The following LPAR6 variants were observed in gnomAD, a reference collection of about 807,000 sequenced individuals.
LPAR6 encodes lysophosphatidic acid receptor 6.
Under a neutral mutation model 22.0 loss-of-function variants are expected in LPAR6, and 17 were observed. That is an observed-to-expected ratio of 0.77 (90% CI 0.53 to 1.16). The LOEUF is 1.16. Among genes scored for constraint, LPAR6 ranks in the 50% most tolerant of loss-of-function variants. LPAR6 has a pLI of 0.00. For missense variants in LPAR6, 384 were observed against 406.9 expected, an observed-to-expected ratio of 0.94 and a Z score of 0.48; for synonymous variants, 136 against 139.8, an observed-to-expected ratio of 0.97 and a Z score of 0.19.
intron 1 of LPAR6, among the ~76,000 whole-genome samples, chr13:48,443,766 G>A (rs1470862233): frequency 6.6e-6 from 1 of 151,924 alleles, no homozygotes; most frequent in Admixed American, 6.6e-5. Flanking sequence ...AGGCACCTCC[G>A]TTGCTTTTAG....
At position 48,412,425 on chromosome 13, in the gene LPAR6, G is replaced by A. The variant is rs981870922; in HGVS notation, c.-2C>T. ...GTGGGAGCTGTTAACGCTTACCATC[G>A]TAAAGGCACGTCCAATTTTCAGTTT... On this transcript the variant is annotated 5_prime_UTR_variant, in exon 1 of 1. It adds an upstream start codon to the 5' untranslated region. Transcript: ENST00000620633. 2 of 1,610,274 alleles carry A rather than the reference G, an allele frequency of 1.2e-6. No homozygotes were observed. The highest frequency in any genetic ancestry group is 1.7e-5 in the Admixed American group (1 of 60,014).
At chr13:48,435,099 A>G (rs1004472212) in intron 1 of LPAR6, among the ~76,000 whole-genome samples, 88 of 152,158 alleles carry the variant, frequency 5.8e-4, no homozygotes, top group African/African-American at 2.0e-3. Flanking sequence ...GAAGAGTTGT[A>G]TGGTTATTTT....
At chr13:48,436,942 A>T in intron 1 of LPAR6, among the ~76,000 whole-genome samples, 1 of 152,198 alleles carries the variant, frequency 6.6e-6, no homozygotes, top group South Asian at 2.1e-4. Context: ...TAATTTTTCT[A>T]CTAGCACTAC....
chr13:48,431,265 G>A (rs889527227), upstream of LPAR6, among the ~76,000 whole-genome samples: 5 of 151,962 alleles, frequency 3.3e-5, no homozygotes, highest in African/African-American at 1.2e-4. Flanking sequence ...TTTTTTTTAA[G>A]TTTTGGCCTT....
At chr13:48,433,948 TC>T (rs1026859797) in intron 1 of LPAR6, among the ~76,000 whole-genome samples, 1 of 151,884 alleles carries the variant, frequency 6.6e-6, no homozygotes, top group Non-Finnish European at 1.5e-5. Context: ...GGTCTTGAAC[TC>T]CTGGACTCAA....
At chr13:48,439,064 A>G (rs951985902) in intron 1 of LPAR6, among the ~76,000 whole-genome samples, 1 of 152,208 alleles carries the variant, frequency 6.6e-6, no homozygotes, top group Non-Finnish European at 1.5e-5. Context: ...GGGCAAAGAA[A>G]GAGTGAAAGA....
At chr13:48,408,257 A>C (rs139036535), downstream of LPAR6, among the ~76,000 whole-genome samples, 5 of 151,980 alleles carry the variant, frequency 3.3e-5, no homozygotes, top group East Asian at 9.6e-4. Context: ...TTTTCTGTGA[A>C]TATAATATAT....
At chr13:48,441,174 G>C (rs1949232800) in intron 1 of LPAR6, among the ~76,000 whole-genome samples, 1 of 152,188 alleles carries the variant, frequency 6.6e-6, no homozygotes, top group South Asian at 2.1e-4. Context: ...ATATCTGGCG[G>C]AGGCCTGTTT....
upstream of LPAR6, among the ~76,000 whole-genome samples, chr13:48,431,167 G>A (rs1311483792): frequency 6.6e-6 from 1 of 152,092 alleles, no homozygotes; most frequent in Non-Finnish European, 1.5e-5. Flanking sequence ...CATTCAAAAA[G>A]GTGGGAGATG....
chr13:48,411,694 G>T lies in LPAR6; in HGVS notation c.730C>A (p.Pro244Thr). 6.2e-7 allele frequency: 1 copy of T among 1,607,284 alleles called. No homozygotes were observed. The highest frequency in any genetic ancestry group is 1.1e-5 in the South Asian group (1 of 90,868). Residue 244 changes from proline to threonine, a missense_variant, in exon 1 of 1, where the codon CCT (proline) becomes ACT (threonine). Pro to Thr is a conservative substitution (Grantham distance 38, BLOSUM62 -1). Transcript: ENST00000620633. ...HLIIFCFCFVPYNINLILYSL... is the reference protein window; with the variant it reads ...HLIIFCFCFVTYNINLILYSL... ...TATAAAATAAGATTGATATTGTAAG[G>T]AACAAAACAGAAACAGAATATGATC...
At chr13:48,413,435 G>T (rs1948853530), upstream of LPAR6, among the ~76,000 whole-genome samples, 1 of 152,124 alleles carries the variant, frequency 6.6e-6, no homozygotes, top group South Asian at 2.1e-4. Context: ...TTTCGTGTTT[G>T]GGATATGACA....
intron 1 of LPAR6, among the ~76,000 whole-genome samples, chr13:48,438,851 G>A (rs1949208850): frequency 6.6e-6 from 1 of 152,128 alleles, no homozygotes; most frequent in African/African-American, 2.4e-5. Flanking sequence ...CTTATCATGT[G>A]CCATGTATCA....
At chr13:48,425,068 T>G (rs969332765) in intron 1 of LPAR6, among the ~76,000 whole-genome samples, 6 of 151,118 alleles carry the variant, frequency 4.0e-5, no homozygotes, top group East Asian at 1.9e-4. Context: ...AAAAGAAAAA[T>G]AAAAGAATAC....
chr13:48,400,920 G>A (rs1241057109), intron 1 of LPAR6, among the ~76,000 whole-genome samples: 1 of 152,062 alleles, frequency 6.6e-6, no homozygotes, highest in Non-Finnish European at 1.5e-5. Flanking sequence ...TAAGTACAGA[G>A]AATTTTTCTC....
downstream of LPAR6, among the ~76,000 whole-genome samples, chr13:48,410,747 A>G (rs895379190): frequency 1.4e-4 from 21 of 152,190 alleles, no homozygotes; most frequent in African/African-American, 4.6e-4. Context: ...ACTTCAAAGC[A>G]TACCATATAG....
At chr13:48,432,275 G>T (rs894714392) in intron 1 of LPAR6, among the ~76,000 whole-genome samples, 11 of 152,066 alleles carry the variant, frequency 7.2e-5, no homozygotes, top group Admixed American at 7.2e-4. Flanking sequence ...TCACCTCCCA[G>T]AAATTCACTC....
intron 1 of LPAR6, among the ~76,000 whole-genome samples, chr13:48,405,062 T>TA (rs996548465): frequency 1.3e-5 from 2 of 151,760 alleles, no homozygotes; most frequent in East Asian, 1.9e-4. Flanking sequence ...GAATATGCTT[T>TA]AAAAAAATGA....
upstream of LPAR6, among the ~76,000 whole-genome samples, chr13:48,413,637 T>C (rs12866052): frequency 4.8e-4 from 73 of 152,332 alleles, no homozygotes; most frequent in Non-Finnish European, 9.3e-4. Context: ...TGAGTAGCTC[T>C]TATCCTGGGT....
intron 1 of LPAR6, among the ~76,000 whole-genome samples, chr13:48,397,002 C>T (rs1948654038): frequency 6.6e-6 from 1 of 152,168 alleles, no homozygotes; most frequent in Non-Finnish European, 1.5e-5. Flanking sequence ...ACAACAGATG[C>T]TGGAGAGGCT....
Sources: gnomAD v4.1 joint callset for allele counts (sites outside exome capture counted in the v4.1 genomes callset) on GRCh38, gnomAD v4.1.1 for gene constraint, MANE v1.5 for transcripts, NCBI Gene and HGNC (gene_info 2026-07-23, HGNC 2026-07-21) for gene names.